Variants in NBAS observed in about 807,000 individuals in gnomAD.
NBAS encodes NAG/BC035112 fusion.
In NBAS, 219 loss-of-function variants were observed where a neutral mutation model predicts 302.5. The ratio of observed to expected loss-of-function variants is 0.72; its 90% CI spans 0.65 to 0.81. The LOEUF (loss-of-function observed/expected upper bound fraction) is 0.81. NBAS is among the 30% of genes least tolerant of loss of function. The probability of loss-of-function intolerance (pLI) is 0.00; values close to 1 mark genes in which losing one functional copy is unlikely to be tolerated. For missense variants in NBAS, 2,932 were observed against 2,841.6 expected (o/e 1.03, Z -0.72); for synonymous variants, 1,118 against 1,021.6 (o/e 1.09, Z -1.80).
At chr2:15,272,481 C>A (rs1279617857) in intron 44 of NBAS, among the ~76,000 whole-genome samples, 1 of 152,158 alleles carries the variant, frequency 6.6e-6, no homozygotes, top group African/African-American at 2.4e-5. Context: ...CTCTCTCTCT[C>A]TATCTATATA....
In NBAS at chr2:15,508,481, T is replaced by C. The variant is rs148317207; in HGVS notation, c.885+2731A>G. Among the ~76,000 whole-genome samples the C allele has an allele frequency of 9.2e-5, 14 of 152,320 alleles. No individual in the cohort carries two copies. The East Asian group carries it at 2.5e-3, about 27-fold the overall frequency. On this transcript the variant is annotated intron_variant, in intron 10 of 51. Coordinates refer to ENST00000281513, the MANE Select transcript of NBAS (RefSeq NM_015909.4). ...TTCACCACTTACCCACGTTCTCTCC[T>C]TATATCCTCTATACACATCCATTTT...
chr2:15,138,267 G>C, the NBAS span, among the ~76,000 whole-genome samples: 4 of 152,186 alleles, frequency 2.6e-5, no homozygotes, highest in Non-Finnish European at 5.9e-5. Flanking sequence ...GAAACTGCTA[G>C]AATTGGAGAG....
At chr2:14,940,329 T>C in the NBAS span, among the ~76,000 whole-genome samples, 3 of 152,150 alleles carry the variant, frequency 2.0e-5, no homozygotes, top group African/African-American at 4.8e-5. Context: ...TTAAAACATA[T>C]GTAGCACCTC....
At chr2:15,323,320 A>G (rs1027404318) in intron 38 of NBAS, among the ~76,000 whole-genome samples, 4 of 152,182 alleles carry the variant, frequency 2.6e-5, no homozygotes, top group Non-Finnish European at 5.9e-5. Flanking sequence ...AGCTTTGAGG[A>G]AAAAAGAGTG....
chr2:15,421,956 G>A (rs191360602), intron 23 of NBAS, among the ~76,000 whole-genome samples: 17 of 151,036 alleles, frequency 1.1e-4, no homozygotes, highest in Non-Finnish European at 4.4e-5. Flanking sequence ...GCCCATGAAC[G>A]TGCACTGACA....
At chr2:14,838,527 G>T in the NBAS span, among the ~76,000 whole-genome samples, 6 of 151,914 alleles carry the variant, frequency 3.9e-5, no homozygotes, top group African/African-American at 1.4e-4. Flanking sequence ...GACAATTTCA[G>T]TGCCAGAAGG....
At chr2:15,427,861 T>C in intron 21 of NBAS, 67 bp from the exon 22 acceptor site, 2 of 1,210,940 alleles carry the variant, frequency 1.7e-6, no homozygotes, top group Admixed American at 3.9e-5. Context: ...ACACAAGGAG[T>C]AAAATGCAAA....
intron 38 of NBAS, among the ~76,000 whole-genome samples, chr2:15,319,951 G>A (rs1671716944): frequency 6.6e-6 from 1 of 151,868 alleles, no homozygotes; most frequent in African/African-American, 2.4e-5. Context: ...AAAAAAAAGA[G>A]AATTTTAGAC....
At chr2:15,061,833 C>A in the NBAS span, among the ~76,000 whole-genome samples, 1 of 151,998 alleles carries the variant, frequency 6.6e-6, no homozygotes, top group Non-Finnish European at 1.5e-5. Context: ...GTTTATAATT[C>A]TTCACCTGTG....
At chr2:15,103,537 G>A in the NBAS span, among the ~76,000 whole-genome samples, 6 of 152,120 alleles carry the variant, frequency 3.9e-5, no homozygotes, top group South Asian at 1.2e-3. Context: ...CTTTTGCCTT[G>A]CCCCACTACT....
chr2:15,103,869 C>A, the NBAS span, among the ~76,000 whole-genome samples: 1 of 152,076 alleles, frequency 6.6e-6, no homozygotes, highest in Non-Finnish European at 1.5e-5. Flanking sequence ...CTGAAGACTG[C>A]GTAAGTCTAT....
At chr2:15,125,807 C>T in the NBAS span, among the ~76,000 whole-genome samples, 1 of 152,134 alleles carries the variant, frequency 6.6e-6, no homozygotes, top group South Asian at 2.1e-4. Context: ...TTCACAGGCT[C>T]ATAGGTGAAA....
intron 21 of NBAS, among the ~76,000 whole-genome samples, chr2:15,445,688 T>TAA (rs201372612): frequency 0.013 from 1,891 of 146,366 alleles, 30 homozygotes; most frequent in East Asian, 0.06. Flanking sequence ...TACTTTCAAC[T>TAA]AAAAAAAAAA....
chr2:14,890,043 A>G, the NBAS span, among the ~76,000 whole-genome samples: 15 of 152,260 alleles, frequency 9.9e-5, no homozygotes, highest in Admixed American at 2.6e-4. Context: ...CTACTTTAGC[A>G]ATTTGTTTGA....
At chr2:15,214,688 T>C (rs1173641365) in intron 48 of NBAS, among the ~76,000 whole-genome samples, 10 of 152,212 alleles carry the variant, frequency 6.6e-5, no homozygotes, top group Admixed American at 6.5e-4. Flanking sequence ...AGTAAATTAC[T>C]TGTAAGGATC....
chr2:15,237,771 A>ATT (rs765648566), intron 45 of NBAS, among the ~76,000 whole-genome samples: 9,327 of 66,514 alleles, frequency 0.14, 726 homozygotes, highest in East Asian at 0.36. Flanking sequence ...TAATGTTTGT[A>ATT]TTTTTTTTTT....
chr2:15,311,699 T>A (rs1340371400), intron 38 of NBAS, among the ~76,000 whole-genome samples: 4 of 152,196 alleles, frequency 2.6e-5, no homozygotes, highest in Admixed American at 2.0e-4. Flanking sequence ...CAACGAGCAC[T>A]CAGCAATCAT....
chr2:15,258,156 C>G (rs1668688834), intron 44 of NBAS, among the ~76,000 whole-genome samples: 1 of 152,174 alleles, frequency 6.6e-6, no homozygotes, highest in Non-Finnish European at 1.5e-5. Flanking sequence ...TTCCCTAATA[C>G]TCATAATTTC....
intron 48 of NBAS, among the ~76,000 whole-genome samples, chr2:15,196,368 C>T (rs193127741): frequency 7.2e-5 from 11 of 152,258 alleles, no homozygotes; most frequent in African/African-American, 2.6e-4. Context: ...GTATCCATGT[C>T]AATATCCCGG....
Sources: allele counts gnomAD v4.1 joint callset (sites outside exome capture counted in the v4.1 genomes callset), GRCh38; gene constraint gnomAD v4.1.1; transcripts MANE v1.5; gene names NCBI Gene and HGNC (gene_info 2026-07-23, HGNC 2026-07-21).